Variants in RELCH observed in about 807,000 individuals in gnomAD.
RELCH encodes the protein RAB11 binding and LisH domain, coiled-coil and HEAT repeat containing.
Under a neutral mutation model 150.3 loss-of-function variants are expected in RELCH, and 41 were observed. The ratio of observed to expected loss-of-function variants is 0.27; its 90% CI spans 0.21 to 0.35. The LOEUF (loss-of-function observed/expected upper bound fraction) is 0.35, where lower values mean the gene tolerates loss of function less well. Ranked by LOEUF, RELCH falls within the 10% of genes least tolerant of loss-of-function variation. The pLI, the probability that RELCH is intolerant of heterozygous loss-of-function variation, is 1.00. For synonymous variants in RELCH, 478 were observed against 531.8 expected, an observed-to-expected ratio of 0.90 and a Z score of 1.39; for missense variants, 1,092 against 1,467.8, an observed-to-expected ratio of 0.74 and a Z score of 4.18.
At chr18:62,243,651 C>T (rs570673978) in intron 10 of RELCH, among the ~76,000 whole-genome samples, 15 of 152,128 alleles carry the variant, frequency 9.9e-5, no homozygotes, top group African/African-American at 3.1e-4. Flanking sequence ...TTCAACTCTT[C>T]GAAAAATCAT....
intron 10 of RELCH, chr18:62,235,267 G>T (rs1006503255): frequency 1.2e-4 from 18 of 151,992 alleles, no homozygotes; most frequent in Non-Finnish European, 1.9e-4. Flanking sequence ...TCAAAAATCA[G>T]TTGGGCCTAG....
At chr18:62,224,301 T>TC (rs149684861) in intron 5 of RELCH, among the ~76,000 whole-genome samples, 15,235 of 152,160 alleles carry the variant, frequency 0.1, 906 homozygotes, top group East Asian at 0.19. Flanking sequence ...CATGAACTCA[T>TC]CTTTTTTACG....
intron 11 of RELCH, among the ~76,000 whole-genome samples, chr18:62,249,997 C>A (rs893695733): frequency 1.3e-5 from 2 of 152,038 alleles, no homozygotes; most frequent in African/African-American, 4.8e-5. Context: ...TTCACCAATT[C>A]TTTTCTAGCA....
At position 62,214,139 on chromosome 18, in the gene RELCH, G is replaced by A. The variant is rs543432655; in HGVS notation, c.616+2897G>A. Among the ~76,000 whole-genome samples the A allele has an allele frequency of 3.3e-5, 5 of 152,070 alleles. No homozygotes were observed. In the South Asian group the frequency reaches 8.3e-4, roughly 25 times the overall value. ...AAATAACCTTTAATTGCTGTACTGT[G>A]CTCATATATAAATAAATGCTGTGAT... On this transcript the variant is annotated intron_variant, in intron 2 of 28. Coordinates refer to ENST00000644646, the MANE Select transcript of RELCH (RefSeq NM_001346231.2).
At chr18:62,278,748 T>C (rs887129977) in intron 22 of RELCH, among the ~76,000 whole-genome samples, 2 of 152,178 alleles carry the variant, frequency 1.3e-5, no homozygotes, top group East Asian at 3.8e-4. Flanking sequence ...ACAAAATGTA[T>C]ACGGCTCAGT....
At chr18:62,255,276 G>T in intron 12 of RELCH, 131 bp from the exon 13 acceptor site, 1 of 708,166 alleles carries the variant, frequency 1.4e-6, no homozygotes, top group East Asian at 2.7e-5. Context: ...AGTCAAACAG[G>T]GATTCCCAGA....
chr18:62,206,879 A>G (rs538676578), intron 1 of RELCH, among the ~76,000 whole-genome samples: 3 of 147,528 alleles, frequency 2.0e-5, no homozygotes, highest in South Asian at 4.4e-4. Context: ...GGAAAACTCA[A>G]TACACTTGTT....
intron 10 of RELCH, among the ~76,000 whole-genome samples, chr18:62,238,066 A>G (rs535803258): frequency 4.6e-5 from 7 of 152,018 alleles, no homozygotes; most frequent in African/African-American, 1.4e-4. Context: ...AAGAATCCCA[A>G]TTGAATTATG....
intron 27 of RELCH, among the ~76,000 whole-genome samples, chr18:62,297,165 A>T (rs893343112): frequency 6.6e-6 from 1 of 152,206 alleles, no homozygotes; most frequent in Non-Finnish European, 1.5e-5. Flanking sequence ...GCTGAAAACC[A>T]TACTGAAAAG....
At chr18:62,284,952 G>T (rs189408681) in intron 25 of RELCH, among the ~76,000 whole-genome samples, 1 of 152,110 alleles carries the variant, frequency 6.6e-6, no homozygotes, top group Admixed American at 6.5e-5. Flanking sequence ...TCGTACATTG[G>T]AGATTTTCTG....
chr18:62,297,072 A>G (rs1600283102), intron 27 of RELCH, among the ~76,000 whole-genome samples: 1 of 152,348 alleles, frequency 6.6e-6, no homozygotes, highest in Middle Eastern at 3.4e-3. Flanking sequence ...TAAAGACTTT[A>G]AAAGGATCAG....
intron 19 of RELCH, chr18:62,268,440 AC>A (rs1255219188): frequency 1.3e-5 from 2 of 153,436 alleles, no homozygotes; most frequent in African/African-American, 4.8e-5. Flanking sequence ...TCAGGCTAGT[AC>A]TGAAAACTAC....
At chr18:62,200,864 AT>A (rs1433400160) in intron 1 of RELCH, among the ~76,000 whole-genome samples, 14 of 143,086 alleles carry the variant, frequency 9.8e-5, no homozygotes, top group Non-Finnish European at 2.0e-4. Context: ...TTATAGTCTT[AT>A]TTTTTTAACT....
intron 5 of RELCH, among the ~76,000 whole-genome samples, chr18:62,223,131 A>G (rs527413516): frequency 6.6e-5 from 10 of 151,878 alleles, no homozygotes; most frequent in African/African-American, 2.4e-4. Flanking sequence ...GATAAAGATG[A>G]TAGCATAAGT....
At chr18:62,217,110 A>G (rs2040525254) in intron 2 of RELCH, among the ~76,000 whole-genome samples, 1 of 152,058 alleles carries the variant, frequency 6.6e-6, no homozygotes, top group Non-Finnish European at 1.5e-5. Flanking sequence ...GTTATATTTA[A>G]TCTAAAAATA....
At chr18:62,298,947 T>G in intron 28 of RELCH, 87 bp downstream of exon 28, 1 of 714,368 alleles carries the variant, frequency 1.4e-6, no homozygotes, top group Non-Finnish European at 2.4e-6. Context: ...ATGTGTCATT[T>G]TGTGTTACGT....
At chr18:62,188,342 A>G (rs769973821) in intron 1 of RELCH, among the ~76,000 whole-genome samples, 2 of 152,120 alleles carry the variant, frequency 1.3e-5, no homozygotes, top group Non-Finnish European at 2.9e-5. Context: ...CTTTTATACT[A>G]GTTTATTGCT....
At chr18:62,192,382 T>C (rs1385442819) in intron 1 of RELCH, among the ~76,000 whole-genome samples, 1 of 152,254 alleles carries the variant, frequency 6.6e-6, no homozygotes, top group Non-Finnish European at 1.5e-5. Flanking sequence ...GCAGAAGCTC[T>C]TAAGTTTAAT....
Position 62,305,632 on chromosome 18 carries a change from T to C in RELCH, c.*98T>C, listed in dbSNP as rs1254831756. On this transcript the variant is annotated 3_prime_UTR_variant, in exon 29 of 29. Coordinates refer to ENST00000644646, the MANE Select transcript of RELCH (RefSeq NM_001346231.2). This position sits in a 1 kb window ranked among gnomAD's most constrained non-coding sequence, Gnocchi z 4.0. Reference sequence around the variant, plus strand: ...TGCCTTTTTTGTTTCCTCAGTTTTATGTTCTTGCATTATAATTTTATCCTA... The same window carrying C: ...TGCCTTTTTTGTTTCCTCAGTTTTACGTTCTTGCATTATAATTTTATCCTA... 8.0e-7 allele frequency: 1 copy of C among 1,254,726 alleles called. No homozygotes were observed. The highest frequency in any genetic ancestry group is 2.5e-5 in the East Asian group (1 of 40,232). 77.7% of individuals were successfully genotyped at this position (1,254,726 alleles called of 1,614,324 possible).
Sources: gnomAD v4.1 joint callset for allele counts (sites outside exome capture counted in the v4.1 genomes callset) on GRCh38, gnomAD v4.1.1 for gene constraint, Gnocchi (gnomAD v3.1) non-coding constraint, MANE v1.5 for transcripts, NCBI Gene and HGNC (gene_info 2026-07-23, HGNC 2026-07-21) for gene names.